Variants in KLHL1 observed in about 807,000 individuals in gnomAD.
The protein encoded by KLHL1 is kelch like family member 1, also known as kelch-like protein 1.
In KLHL1, 47 loss-of-function variants were observed where a neutral mutation model predicts 77.7. The ratio of observed to expected loss-of-function variants is 0.60; its 90% CI spans 0.48 to 0.77. The LOEUF is 0.77. Among genes scored for constraint, KLHL1 ranks in the 30% least tolerant of loss-of-function variants. The pLI is 0.00. For synonymous variants in KLHL1, 360 were observed against 325.2 expected, an observed-to-expected ratio of 1.11 and a Z score of -1.15; for missense variants, 925 against 910.8, an observed-to-expected ratio of 1.02 and a Z score of -0.20.
intron 5 of KLHL1, among the ~76,000 whole-genome samples, chr13:69,850,984 TC>T (rs1266263056): frequency 2.0e-5 from 3 of 151,710 alleles, no homozygotes; most frequent in Admixed American, 6.6e-5. Flanking sequence ...CTTTATTTTA[TC>T]TATAAACAAG....
At chr13:69,835,284 AC>A (rs1264422713) in intron 6 of KLHL1, among the ~76,000 whole-genome samples, 2 of 152,134 alleles carry the variant, frequency 1.3e-5, no homozygotes, top group Non-Finnish European at 2.9e-5. Flanking sequence ...ATACCAGCCC[AC>A]CTGGGCAAAT....
In KLHL1 at chr13:69,740,389, C is replaced by G; in HGVS notation, c.1802+5G>C. ...GATTAAAAAATAAGAAAAAAATTTACTTACTTGCCATTCAATGCTGCTACA... is the reference window on the plus strand; with the variant it reads ...GATTAAAAAATAAGAAAAAAATTTAGTTACTTGCCATTCAATGCTGCTACA... On this transcript the variant is annotated splice_donor_5th_base_variant and intron_variant, in intron 8 of 10. Coordinates refer to ENST00000377844, the MANE Select transcript of KLHL1 (RefSeq NM_020866.3). The G allele has an allele frequency of 6.5e-7, 1 of 1,530,592 alleles. No homozygotes were observed. Among genetic ancestry groups the G allele is most frequent in the East Asian group, 2.3e-5 (1 of 43,862 alleles). 94.8% of individuals were successfully genotyped at this position (1,530,592 alleles called of 1,614,324 possible).
chr13:69,956,355 A>G (rs1027115574), intron 3 of KLHL1, among the ~76,000 whole-genome samples: 1 of 150,822 alleles, frequency 6.6e-6, no homozygotes, highest in African/African-American at 2.4e-5. Context: ...GTAAAACTTG[A>G]GAGTTGCTCA....
chr13:70,069,071 T>A (rs1887079395), intron 1 of KLHL1, among the ~76,000 whole-genome samples: 2 of 152,126 alleles, frequency 1.3e-5, no homozygotes, highest in South Asian at 4.1e-4. Context: ...CCTATTGAGA[T>A]TTTATCAAAA....
intron 1 of KLHL1, among the ~76,000 whole-genome samples, chr13:70,048,678 C>CT (rs1886557132): frequency 6.6e-6 from 1 of 152,228 alleles, no homozygotes; most frequent in Admixed American, 6.5e-5. Context: ...GTTCCCCCTT[C>CT]TGTGAGAATC....
At chr13:69,851,209 TGTTA>T (rs150644389) in intron 5 of KLHL1, among the ~76,000 whole-genome samples, 141,657 of 151,580 alleles carry the variant, frequency 0.93, 66,421 homozygotes, top group East Asian at 0.99. Flanking sequence ...TATAAAATTC[TGTTA>T]TTTATAATTA....
chr13:69,964,897 A>G (rs1884168713), intron 2 of KLHL1, among the ~76,000 whole-genome samples: 1 of 152,134 alleles, frequency 6.6e-6, no homozygotes, highest in Non-Finnish European at 1.5e-5. Context: ...AACCATCAAT[A>G]ACATTCTCCT....
intron 1 of KLHL1, among the ~76,000 whole-genome samples, chr13:70,073,292 GCAAA>G (rs1342137404): frequency 6.6e-6 from 1 of 152,040 alleles, no homozygotes; most frequent in African/African-American, 2.4e-5. Flanking sequence ...ATCATTCTCA[GCAAA>G]CTATTGCAAG....
Position 69,835,814 on chromosome 13 carries a change from G to A in KLHL1, c.1414+3162C>T, listed in dbSNP as rs756422334. Among the ~76,000 whole-genome samples, 3 of 149,626 alleles carry A rather than the reference G, an allele frequency of 2.0e-5. No individual in the cohort carries two copies. In the South Asian group the frequency reaches 6.3e-4, roughly 31 times the overall value. ...AAATGTGTAATTGTTAAGAAATAAT[G>A]GACAGAATGAAAAAAAATAAGTGAA... On this transcript the variant is annotated intron_variant, in intron 6 of 10. Coordinates refer to ENST00000377844, the MANE Select transcript of KLHL1 (RefSeq NM_020866.3).
At chr13:69,934,912 T>C (rs956772757) in intron 4 of KLHL1, among the ~76,000 whole-genome samples, 1 of 148,582 alleles carries the variant, frequency 6.7e-6, no homozygotes, top group African/African-American at 2.5e-5. Flanking sequence ...AGGGTTCCCA[T>C]TGCGTCTCAT....
intron 1 of KLHL1, among the ~76,000 whole-genome samples, chr13:70,093,552 T>C (rs920523940): frequency 2.0e-5 from 3 of 152,158 alleles, no homozygotes; most frequent in Admixed American, 2.0e-4. Context: ...TCTCTTGATG[T>C]CTTGAAATAT....
At chr13:69,843,684 A>G (rs1316777075) in intron 5 of KLHL1, among the ~76,000 whole-genome samples, 1 of 151,794 alleles carries the variant, frequency 6.6e-6, no homozygotes, top group Non-Finnish European at 1.5e-5. Context: ...TTTAAAAATG[A>G]TTTAGGATGG....
intron 6 of KLHL1, among the ~76,000 whole-genome samples, chr13:69,825,479 T>G (rs1290878775): frequency 6.6e-6 from 1 of 152,180 alleles, no homozygotes; most frequent in African/African-American, 2.4e-5. Context: ...CAAAGAATAT[T>G]AGTCCTTACC....
At chr13:69,826,522 G>A (rs531005333) in intron 6 of KLHL1, among the ~76,000 whole-genome samples, 164 of 152,242 alleles carry the variant, frequency 1.1e-3, no homozygotes, top group Non-Finnish European at 1.1e-3. Flanking sequence ...AGAGGTTGCA[G>A]TTAGCCAAGA....
chr13:69,860,756 A>G (rs1388407370), intron 5 of KLHL1, among the ~76,000 whole-genome samples: 1 of 151,840 alleles, frequency 6.6e-6, no homozygotes, highest in Non-Finnish European at 1.5e-5. Context: ...TTTAAGATGA[A>G]CAATAATAGA....
chr13:69,981,218 C>A (rs1395039744), intron 1 of KLHL1, among the ~76,000 whole-genome samples: 2 of 143,518 alleles, frequency 1.4e-5, no homozygotes, highest in African/African-American at 5.9e-5. Context: ...TACATTATGA[C>A]AATACTAAAA....
chr13:69,743,799 A>AAAAAC (rs761631032), intron 7 of KLHL1, among the ~76,000 whole-genome samples: 1 of 142,378 alleles, frequency 7.0e-6, no homozygotes, highest in Non-Finnish European at 1.5e-5. Context: ...AAAAACACCA[A>AAAAAC]AAAACAAAAC....
At chr13:69,703,458 A>C (rs1411549266) in intron 10 of KLHL1, among the ~76,000 whole-genome samples, 1 of 151,572 alleles carries the variant, frequency 6.6e-6, no homozygotes, top group East Asian at 1.9e-4. Flanking sequence ...GTAAAAAAAA[A>C]AATTACAGTA....
rs141684139 is a variant in KLHL1, at chr13:69,842,845, C to T, written c.1228-3683G>A. Among the ~76,000 whole-genome samples the T allele has an allele frequency of 1.9e-4, 29 of 151,836 alleles. No homozygotes were observed. In the East Asian group the frequency reaches 5.2e-3, roughly 27 times the overall value. ...TGTGGTATATATACACAATAGAATG[C>T]TACTTGGCCATAAGAAAGAATAAAA... is the stretch of plus-strand genomic sequence containing the variant. On this transcript the variant is annotated intron_variant, in intron 5 of 10. Coordinates refer to ENST00000377844, the MANE Select transcript of KLHL1 (RefSeq NM_020866.3).
Sources: gnomAD v4.1 joint callset for allele counts (sites outside exome capture counted in the v4.1 genomes callset) on GRCh38, gnomAD v4.1.1 for gene constraint, MANE v1.5 for transcripts, NCBI Gene and HGNC (gene_info 2026-07-23, HGNC 2026-07-21) for gene names.